PLD5: variants seen among roughly 807,000 people sequenced by gnomAD.
The protein encoded by PLD5 is inactive phospholipase D5.
PLD5 carries 36 observed loss-of-function variants against 61.1 expected under a neutral mutation model. The ratio of observed to expected loss-of-function variants is 0.59; its 90% CI spans 0.45 to 0.78. PLD5 has a LOEUF of 0.78. Ranked by LOEUF, PLD5 falls within the 30% of genes least tolerant of loss-of-function variation. PLD5 has a pLI of 0.00. For missense variants in PLD5, 515 were observed against 644.4 expected (o/e 0.80, Z 2.17); for synonymous variants, 243 against 242.8 (o/e 1.00, Z -0.01).
At chr1:242,312,592 A>G (rs942887383) in intron 2 of PLD5, among the ~76,000 whole-genome samples, 2 of 152,124 alleles carry the variant, frequency 1.3e-5, no homozygotes, top group Admixed American at 1.3e-4. Context: ...TTCTTCTCCT[A>G]TCTTCCTCTA....
At chr1:242,367,823 G>A (rs182239774) in intron 1 of PLD5, among the ~76,000 whole-genome samples, 2 of 152,292 alleles carry the variant, frequency 1.3e-5, no homozygotes, top group Admixed American at 1.3e-4. Flanking sequence ...AGGAGAATGA[G>A]AGAAGTTGCC....
intron 1 of PLD5, among the ~76,000 whole-genome samples, chr1:242,442,212 C>T (rs1666307018): frequency 6.6e-6 from 1 of 152,162 alleles, no homozygotes; most frequent in Admixed American, 6.5e-5. Context: ...TTCTAAAGTA[C>T]CAGAGTTCCT....
At chr1:242,447,022 A>C (rs927941388) in intron 1 of PLD5, among the ~76,000 whole-genome samples, 1 of 152,200 alleles carries the variant, frequency 6.6e-6, no homozygotes, top group Non-Finnish European at 1.5e-5. Context: ...TAGTCATTTT[A>C]AAATATGTAT....
intron 1 of PLD5, among the ~76,000 whole-genome samples, chr1:242,369,596 C>T (rs918018420): frequency 3.9e-5 from 6 of 152,110 alleles, no homozygotes; most frequent in Non-Finnish European, 7.4e-5. Flanking sequence ...TGACAGTGGT[C>T]ATCTATCAGG....
chr1:242,325,368 T>C (rs1378120524), intron 2 of PLD5, among the ~76,000 whole-genome samples: 9 of 140,042 alleles, frequency 6.4e-5, no homozygotes, highest in Non-Finnish European at 1.4e-4. Flanking sequence ...GATATATATA[T>C]ATATAGGGAG....
chr1:242,306,908 G>A (rs1179836468), intron 2 of PLD5, among the ~76,000 whole-genome samples: 3 of 152,370 alleles, frequency 2.0e-5, no homozygotes, highest in Admixed American at 6.5e-5. Context: ...ATTAATTTTT[G>A]ATAGTGAAAT....
At chr1:242,402,692 T>C (rs1664009051) in intron 1 of PLD5, among the ~76,000 whole-genome samples, 1 of 152,252 alleles carries the variant, frequency 6.6e-6, no homozygotes, top group Admixed American at 6.5e-5. Context: ...TATTTTGTTT[T>C]CTAATGTCCA....
chr1:242,479,446 A>T (rs924230877), intron 1 of PLD5, among the ~76,000 whole-genome samples: 1 of 152,222 alleles, frequency 6.6e-6, no homozygotes, highest in Non-Finnish European at 1.5e-5. Flanking sequence ...TGAAACATAC[A>T]TGATTTAGGA....
At chr1:242,190,247 G>A (rs1365896038) in intron 5 of PLD5, among the ~76,000 whole-genome samples, 1 of 140,760 alleles carries the variant, frequency 7.1e-6, no homozygotes, top group Non-Finnish European at 1.5e-5. Context: ...CTGGGTTCAC[G>A]CCATTCTCCT....
intron 1 of PLD5, among the ~76,000 whole-genome samples, chr1:242,351,189 C>G (rs916086083): frequency 6.6e-6 from 1 of 152,184 alleles, no homozygotes; most frequent in Admixed American, 6.5e-5. Context: ...GCATGAGCAA[C>G]CGCGCCCGGC....
At chr1:242,202,091 G>C (rs936569451) in intron 5 of PLD5, among the ~76,000 whole-genome samples, 1 of 152,162 alleles carries the variant, frequency 6.6e-6, no homozygotes, top group Admixed American at 6.5e-5. Context: ...GCACACACCT[G>C]TAATCCCAGG....
intron 1 of PLD5, among the ~76,000 whole-genome samples, chr1:242,354,216 A>G (rs1660631012): frequency 6.6e-6 from 1 of 152,164 alleles, no homozygotes; most frequent in Non-Finnish European, 1.5e-5. Context: ...CAGTTTACAC[A>G]TGCCATGACA....
intron 1 of PLD5, chr1:242,377,404 T>A: frequency 1.7e-6 from 2 of 1,192,852 alleles, no homozygotes; most frequent in African/African-American, 1.5e-5. Context: ...AACTTCCGCT[T>A]GGGACTGGGG....
intron 4 of PLD5, among the ~76,000 whole-genome samples, chr1:242,245,868 G>A (rs1189518357): frequency 2.0e-5 from 3 of 152,128 alleles, no homozygotes; most frequent in African/African-American, 7.2e-5. Flanking sequence ...TCTTAAGGCA[G>A]CACTTACAAA....
intron 2 of PLD5, among the ~76,000 whole-genome samples, chr1:242,313,443 C>G: frequency 6.6e-6 from 1 of 152,150 alleles, no homozygotes; most frequent in East Asian, 1.9e-4. Flanking sequence ...AGTTTCTGTT[C>G]TCATTACCTA....
intron 5 of PLD5, among the ~76,000 whole-genome samples, chr1:242,160,776 T>G (rs1449473301): frequency 6.6e-6 from 1 of 152,038 alleles, no homozygotes; most frequent in Non-Finnish European, 1.5e-5. Flanking sequence ...TCCCAGCTAC[T>G]CTGGAGGCTG....
intron 1 of PLD5, among the ~76,000 whole-genome samples, chr1:242,385,047 C>A (rs1372486702): frequency 6.6e-6 from 1 of 152,178 alleles, no homozygotes; most frequent in Non-Finnish European, 1.5e-5. Flanking sequence ...TGGAACATGT[C>A]AAAAGGATCC....
At chr1:242,204,898 G>T (rs1669228282) in intron 5 of PLD5, among the ~76,000 whole-genome samples, 3 of 152,120 alleles carry the variant, frequency 2.0e-5, no homozygotes, top group Admixed American at 2.0e-4. Context: ...AAAAGAATAA[G>T]GCTGGCAAAA....
chr1:242,293,761 A>G (rs1223271594), intron 2 of PLD5, among the ~76,000 whole-genome samples: 6 of 152,180 alleles, frequency 3.9e-5, no homozygotes, highest in Non-Finnish European at 8.8e-5. Flanking sequence ...TCCAGGGAAA[A>G]GCTTGGAAAT....
Sources: allele counts gnomAD v4.1 joint callset (sites outside exome capture counted in the v4.1 genomes callset), GRCh38; gene constraint gnomAD v4.1.1; transcripts MANE v1.5; gene names NCBI Gene and HGNC (gene_info 2026-07-23, HGNC 2026-07-21).